The following PAM variants were observed in gnomAD, a reference collection of about 807,000 sequenced individuals.
The protein encoded by PAM is peptidyl-glycine alpha-amidating monooxygenase.
Under a neutral mutation model 122.1 loss-of-function variants are expected in PAM, and 72 were observed. The ratio of observed to expected loss-of-function variants is 0.59; its 90% CI spans 0.49 to 0.72. The LOEUF is 0.72. Ranked by LOEUF, PAM falls within the 30% of genes least tolerant of loss-of-function variation. The probability of loss-of-function intolerance (pLI) is 0.00; values close to 1 mark genes in which losing one functional copy is unlikely to be tolerated. For synonymous variants in PAM, 389 were observed against 404.4 expected, an observed-to-expected ratio of 0.96 and a Z score of 0.46; for missense variants, 1,106 against 1,183.7, an observed-to-expected ratio of 0.93 and a Z score of 0.96.
At chr5:102,755,086 C>G (rs1262935495), upstream of PAM, 1 of 152,452 alleles carries the variant, frequency 6.6e-6, no homozygotes, top group Non-Finnish European at 1.5e-5. Flanking sequence ...GCAGAGGCCG[C>G]CGGCGTGGAG....
intron 3 of PAM, among the ~76,000 whole-genome samples, chr5:102,896,745 G>GA (rs762483212): frequency 9.2e-5 from 14 of 151,632 alleles, no homozygotes; most frequent in Non-Finnish European, 1.8e-4. Flanking sequence ...AGAAAACTGG[G>GA]AAAGGGAAAC....
At chr5:102,903,394 A>C (rs1161681247) in intron 4 of PAM, among the ~76,000 whole-genome samples, 1 of 151,604 alleles carries the variant, frequency 6.6e-6, no homozygotes, top group Non-Finnish European at 1.5e-5. Context: ...GACAATTAGC[A>C]AATAATCATT....
rs753614590 is a variant in PAM at position 103,003,166 on chromosome 5, ATGT to A, written c.1730+22_1730+24del. The A allele has an allele frequency of 1.1e-5, 12 of 1,086,586 alleles. No homozygotes were observed. The highest frequency in any genetic ancestry group is 5.1e-5 in the Admixed American group (3 of 59,320). The allele number at this position is 1,086,586 out of a possible 1,614,324, so 67.3% of individuals were successfully genotyped here. A position where few individuals can be genotyped will look rare whatever the true frequency, so the allele number is the denominator to read the frequency against. On this transcript the variant is annotated intron_variant, in intron 17 of 25. Transcript: ENST00000438793. ...AAAAAATCTGTGAGTTAAATGACTT[ATGT>A]TGTTAAGACTTGTACTACATATATT...
intron 3 of PAM, among the ~76,000 whole-genome samples, chr5:102,897,338 A>G (rs1406272221): frequency 6.6e-6 from 1 of 151,618 alleles, no homozygotes; most frequent in Non-Finnish European, 1.5e-5. Context: ...CTGAGGTACA[A>G]AGTCACAACT....
intron 1 of PAM, among the ~76,000 whole-genome samples, chr5:102,804,430 A>G (rs1422944303): frequency 3.3e-5 from 5 of 152,214 alleles, no homozygotes; most frequent in Non-Finnish European, 7.3e-5. Flanking sequence ...GAACAGGAAG[A>G]GAAGGATCAG....
intron 1 of PAM, among the ~76,000 whole-genome samples, chr5:102,862,701 A>T (rs1253528074): frequency 1.3e-5 from 2 of 152,228 alleles, no homozygotes; most frequent in African/African-American, 4.8e-5. Context: ...TTATGTGTCT[A>T]GCACTGTTCT....
intron 3 of PAM, among the ~76,000 whole-genome samples, chr5:102,891,330 T>C (rs1794728479): frequency 6.6e-6 from 1 of 151,846 alleles, no homozygotes; most frequent in African/African-American, 2.4e-5. Context: ...TTACGACATA[T>C]AAAGGAAAAT....
intron 21 of PAM, among the ~76,000 whole-genome samples, chr5:103,014,598 G>C (rs542948585): frequency 4.6e-5 from 7 of 152,126 alleles, no homozygotes; most frequent in Non-Finnish European, 8.8e-5. Flanking sequence ...TCCTCTTCAC[G>C]ATGAAGGTCA....
chr5:102,758,013 A>G (rs1160626097), intron 1 of PAM, among the ~76,000 whole-genome samples: 1 of 137,680 alleles, frequency 7.3e-6, no homozygotes, highest in Admixed American at 7.5e-5. Flanking sequence ...CCACACTCCA[A>G]CTTGGGCCAC....
At chr5:102,987,416 T>A (rs953466174) in intron 15 of PAM, 1 of 357,316 alleles carries the variant, frequency 2.8e-6, no homozygotes, top group African/African-American at 2.1e-5. Context: ...GACAAGTTGG[T>A]TAATGGGTAC....
intron 4 of PAM, among the ~76,000 whole-genome samples, chr5:102,903,225 A>G (rs1798529449): frequency 6.6e-6 from 1 of 151,440 alleles, no homozygotes; most frequent in African/African-American, 2.4e-5. Context: ...ATGGATACTG[A>G]AATTTTTTGT....
At chr5:103,000,077 T>C (rs1776938728) in intron 16 of PAM, among the ~76,000 whole-genome samples, 5 of 152,210 alleles carry the variant, frequency 3.3e-5, no homozygotes, top group Admixed American at 3.3e-4. Context: ...GCTTCCCTTT[T>C]AAACATACGT....
intron 7 of PAM, among the ~76,000 whole-genome samples, chr5:102,927,649 G>T (rs181415848): frequency 6.6e-6 from 1 of 151,912 alleles, no homozygotes. Context: ...CATTCAGAAC[G>T]AGGACAGTAA....
chr5:103,001,703 AT>A (rs1777440569), intron 16 of PAM, among the ~76,000 whole-genome samples: 1 of 152,062 alleles, frequency 6.6e-6, no homozygotes. Context: ...GCCAAAGAAT[AT>A]AATTTAAGAA....
At chr5:102,826,445 A>T (rs543270863) in intron 1 of PAM, among the ~76,000 whole-genome samples, 1 of 152,278 alleles carries the variant, frequency 6.6e-6, no homozygotes, top group Admixed American at 6.5e-5. Context: ...TTGTTGGTGG[A>T]TTTGGTATAA....
intron 1 of PAM, among the ~76,000 whole-genome samples, chr5:102,805,499 T>C (rs1053995748): frequency 6.6e-6 from 1 of 152,208 alleles, no homozygotes; most frequent in African/African-American, 2.4e-5. Flanking sequence ...TGTACTGTTA[T>C]CCAGCAAGAA....
chr5:102,802,195 T>G (rs973930282), intron 1 of PAM, among the ~76,000 whole-genome samples: 1 of 152,238 alleles, frequency 6.6e-6, no homozygotes, highest in Non-Finnish European at 1.5e-5. Context: ...CCTTTGGGAC[T>G]TATAATCAAA....
At chr5:102,784,239 T>C (rs1475302532) in intron 1 of PAM, among the ~76,000 whole-genome samples, 1 of 152,160 alleles carries the variant, frequency 6.6e-6, no homozygotes, top group African/African-American at 2.4e-5. Flanking sequence ...GCTCCTCTTC[T>C]CCCTGTGTAA....
chr5:102,876,628 G>A (rs997267271), intron 3 of PAM, among the ~76,000 whole-genome samples: 5 of 152,140 alleles, frequency 3.3e-5, no homozygotes, highest in African/African-American at 1.2e-4. Context: ...AGAAGTAACT[G>A]GGCATTTTAA....
Sources: gnomAD v4.1 joint callset for allele counts (sites outside exome capture counted in the v4.1 genomes callset) on GRCh38, gnomAD v4.1.1 for gene constraint, MANE v1.5 for transcripts, NCBI Gene and HGNC (gene_info 2026-07-23, HGNC 2026-07-21) for gene names.